The following RGS6 variants were observed in gnomAD, a reference collection of about 807,000 sequenced individuals.
RGS6 encodes the protein regulator of G protein signaling 6, also known as regulator of G-protein signaling 6.
In RGS6, 30 loss-of-function variants were observed where a neutral mutation model predicts 78.5. That is an observed-to-expected ratio of 0.38 (90% confidence interval 0.29 to 0.52). The LOEUF (loss-of-function observed/expected upper bound fraction) is 0.52. RGS6 is among the 20% of genes least tolerant of loss of function. The pLI, the probability that RGS6 is intolerant of heterozygous loss-of-function variation, is 0.85. For missense variants in RGS6, 495 were observed against 609.7 expected (o/e 0.81, Z 1.98); for synonymous variants, 206 against 206.0 (o/e 1.00, Z 0.00).
intron 1 of RGS6, among the ~76,000 whole-genome samples, chr14:71,945,376 A>G (rs549231368): frequency 1.3e-5 from 2 of 152,364 alleles, no homozygotes; most frequent in South Asian, 4.1e-4. Flanking sequence ...TTTAAGAACT[A>G]TTTGTGAAAT....
intron 3 of RGS6, among the ~76,000 whole-genome samples, chr14:72,361,651 A>C (rs2081478702): frequency 6.6e-6 from 1 of 152,188 alleles, no homozygotes; most frequent in African/African-American, 2.4e-5. Flanking sequence ...AGGCCATGAT[A>C]CTGGAAGACT....
At chr14:72,015,507 A>G (rs898429887) in intron 2 of RGS6, among the ~76,000 whole-genome samples, 1 of 152,230 alleles carries the variant, frequency 6.6e-6, no homozygotes, top group African/African-American at 2.4e-5. Context: ...CACCTGAGAG[A>G]AAGTTCAGAT....
the RGS6 span, among the ~76,000 whole-genome samples, chr14:72,585,726 C>T: frequency 4.6e-5 from 7 of 152,166 alleles, no homozygotes; most frequent in Admixed American, 6.5e-5. Context: ...CTGGGTAGCA[C>T]GTCAAAACCT....
chr14:71,919,180 A>T, the RGS6 span, among the ~76,000 whole-genome samples: 1 of 152,088 alleles, frequency 6.6e-6, no homozygotes, highest in Non-Finnish European at 1.5e-5. Context: ...TCTGGTAAGG[A>T]CTCAGCCTCA....
intron 1 of RGS6, among the ~76,000 whole-genome samples, chr14:71,942,820 T>C (rs2090844247): frequency 6.6e-6 from 1 of 152,164 alleles, no homozygotes; most frequent in Non-Finnish European, 1.5e-5. Context: ...TTATGTGTGG[T>C]AACTTCAAAA....
chr14:72,389,000 G>A (rs1042013261), intron 3 of RGS6, among the ~76,000 whole-genome samples: 3 of 152,134 alleles, frequency 2.0e-5, no homozygotes, highest in Non-Finnish European at 4.4e-5. Flanking sequence ...TGCCTCATTG[G>A]TGTTTTATTT....
the RGS6 span, among the ~76,000 whole-genome samples, chr14:72,615,741 G>A: frequency 1.3e-5 from 2 of 152,238 alleles, no homozygotes; most frequent in African/African-American, 4.8e-5. Flanking sequence ...TGCTTCAGGG[G>A]CGATGAGTCA....
intron 3 of RGS6, among the ~76,000 whole-genome samples, chr14:72,365,575 T>G (rs2082303338): frequency 6.6e-6 from 1 of 152,192 alleles, no homozygotes; most frequent in Non-Finnish European, 1.5e-5. Flanking sequence ...TAAATTTGTT[T>G]GGTGAATTCC....
intron 6 of RGS6, among the ~76,000 whole-genome samples, chr14:72,460,596 C>T (rs982396135): frequency 5.3e-5 from 8 of 152,204 alleles, no homozygotes; most frequent in African/African-American, 1.9e-4. Context: ...ACTTCTTTCA[C>T]GGTCCCATGT....
chr14:72,186,601 C>T (rs1264116202), intron 2 of RGS6, among the ~76,000 whole-genome samples: 2 of 152,104 alleles, frequency 1.3e-5, no homozygotes, highest in African/African-American at 4.8e-5. Flanking sequence ...ATGACTGACG[C>T]CTTTTACTGG....
chr14:72,382,082 A>C (rs2086289555), intron 3 of RGS6, among the ~76,000 whole-genome samples: 2 of 152,056 alleles, frequency 1.3e-5, no homozygotes, highest in African/African-American at 4.8e-5. Context: ...AATTAAAGTC[A>C]TGTAGAATAT....
chr14:72,039,178 T>C lies in RGS6; in HGVS notation c.84+74303T>C, dbSNP rs527572264. The stretch of plus-strand genomic sequence containing the variant: ...CTCAGTGAATCTACATTTTACTAAA[T>C]AAGTTGAAGTAAACATAAAAAGAGG... On this transcript the variant is annotated intron_variant, in intron 2 of 17. Coordinates refer to ENST00000553525, the MANE Select transcript of RGS6 (RefSeq NM_001204424.2). Among the ~76,000 whole-genome samples the C allele has an allele frequency of 7.2e-5, 11 of 152,286 alleles. No homozygotes were observed. In the South Asian group the frequency reaches 1.9e-3, roughly 26 times the overall value.
intron 2 of RGS6, among the ~76,000 whole-genome samples, chr14:72,050,673 A>G (rs2093175478): frequency 6.6e-6 from 1 of 152,210 alleles, no homozygotes; most frequent in Admixed American, 6.5e-5. Flanking sequence ...TCTAGCAGGG[A>G]ATCAATATAC....
chr14:72,032,642 C>A (rs1043321404), intron 2 of RGS6, among the ~76,000 whole-genome samples: 3 of 152,120 alleles, frequency 2.0e-5, no homozygotes, highest in Non-Finnish European at 4.4e-5. Flanking sequence ...ACCCACCATT[C>A]TACTTTTTAT....
intron 14 of RGS6, 74 bp downstream of exon 14, chr14:72,510,353 C>T: frequency 6.4e-7 from 1 of 1,570,792 alleles, no homozygotes; most frequent in Non-Finnish European, 8.7e-7. Context: ...CTCCATCTCT[C>T]TCTCTCTCAA....
At chr14:71,993,120 T>C (rs1357726218) in intron 2 of RGS6, among the ~76,000 whole-genome samples, 1 of 152,208 alleles carries the variant, frequency 6.6e-6, no homozygotes, top group Non-Finnish European at 1.5e-5. Flanking sequence ...GCAGCATTAA[T>C]TAGACTCCTG....
chr14:72,510,418 A>G (rs965708166), intron 14 of RGS6, 139 bp downstream of exon 14: 5 of 1,064,494 alleles, frequency 4.7e-6, no homozygotes, highest in Non-Finnish European at 7.0e-6. Flanking sequence ...TGAGGTTGAA[A>G]TGGAGAAGAA....
chr14:72,287,365 G>A (rs1377462087), intron 2 of RGS6, among the ~76,000 whole-genome samples: 1 of 152,134 alleles, frequency 6.6e-6, no homozygotes, highest in Non-Finnish European at 1.5e-5. Flanking sequence ...GTGACAGTGG[G>A]CATCATTATC....
chr14:72,507,391 T>C (rs906138732), intron 13 of RGS6, among the ~76,000 whole-genome samples: 4 of 152,236 alleles, frequency 2.6e-5, no homozygotes, highest in Admixed American at 2.0e-4. Flanking sequence ...GCTCCAGAAC[T>C]GTGAGAGAAT....
Sources: allele counts gnomAD v4.1 joint callset (sites outside exome capture counted in the v4.1 genomes callset), GRCh38; gene constraint gnomAD v4.1.1; transcripts MANE v1.5; gene names NCBI Gene and HGNC (gene_info 2026-07-23, HGNC 2026-07-21).